The following ZNF429 variants were observed in gnomAD, a reference collection of about 807,000 sequenced individuals.
ZNF429 encodes the protein zinc finger protein 429.
A neutral mutation model predicts 56.8 loss-of-function variants in ZNF429; 53 were observed. That is an observed-to-expected ratio of 0.93 (90% CI 0.75 to 1.17). ZNF429 has a LOEUF of 1.17. Ranked by LOEUF, ZNF429 falls within the 50% of genes most tolerant of loss-of-function variation. The probability of loss-of-function intolerance (pLI) is 0.00; values close to 1 mark genes in which losing one functional copy is unlikely to be tolerated. For synonymous variants in ZNF429, 278 were observed against 264.7 expected (o/e 1.05, Z -0.49); for missense variants, 849 against 788.4 (o/e 1.08, Z -0.92).
intron 3 of ZNF429, among the ~76,000 whole-genome samples, chr19:21,535,307 C>CTTTCTT: frequency 1.2e-4 from 16 of 128,786 alleles, no homozygotes; most frequent in African/African-American, 5.2e-4. Flanking sequence ...TTCTTTCTTT[C>CTTTCTT]TTTCTTTCTT....
At chr19:21,531,425 C>A in intron 3 of ZNF429, among the ~76,000 whole-genome samples, 2 of 152,218 alleles carry the variant, frequency 1.3e-5, no homozygotes, top group African/African-American at 4.8e-5. Flanking sequence ...TTCACAGACA[C>A]CAATGCAAAA....
At chr19:21,535,296 C>CTTTCTTTCT in intron 3 of ZNF429, among the ~76,000 whole-genome samples, 8 of 82,548 alleles carry the variant, frequency 9.7e-5, no homozygotes, top group African/African-American at 1.6e-4. Context: ...CATTTCTTTC[C>CTTTCTTTCT]TTCTTTCTTT....
intron 1 of ZNF429, among the ~76,000 whole-genome samples, chr19:21,509,019 ATT>A (rs573196717): frequency 4.2e-5 from 6 of 143,834 alleles, no homozygotes; most frequent in African/African-American, 1.0e-4. Flanking sequence ...TGTTTACTAC[ATT>A]TTTTTTTTTT....
intron 3 of ZNF429, among the ~76,000 whole-genome samples, chr19:21,532,777 C>A: frequency 2.0e-5 from 3 of 151,246 alleles, no homozygotes; most frequent in African/African-American, 4.9e-5. Context: ...TGGTTCACTG[C>A]AACCTCGGCC....
rs755141242 is a variant in ZNF429 at position 21,539,713 on chromosome 19, G to A, written c.*1635G>A. Among the ~76,000 whole-genome samples the A allele has an allele frequency of 1.5e-4, 23 of 151,716 alleles. No individual in the cohort carries two copies. Among genetic ancestry groups the A allele is most frequent in the Non-Finnish European group, 3.1e-4 (21 of 67,986 alleles). On this transcript the variant is annotated 3_prime_UTR_variant, in exon 4 of 4. Transcript: ENST00000358491. Reference sequence around the variant, plus strand: ...CCCAGAGTGCTGGGATTGCAGCCATGAGCCACTGCACCCAGCCCAAAGTAT... The same window carrying A: ...CCCAGAGTGCTGGGATTGCAGCCATAAGCCACTGCACCCAGCCCAAAGTAT...
At chr19:21,525,440 G>T (rs8110660) in intron 1 of ZNF429, among the ~76,000 whole-genome samples, 2 of 151,666 alleles carry the variant, frequency 1.3e-5, no homozygotes, top group African/African-American at 4.9e-5. Flanking sequence ...TTCTACACAG[G>T]GTCCACTCTT....
intron 1 of ZNF429, among the ~76,000 whole-genome samples, chr19:21,523,730 G>A (rs112003247): frequency 7.3e-5 from 11 of 151,636 alleles, no homozygotes; most frequent in South Asian, 2.1e-4. Context: ...ATCTTTGCCC[G>A]CAGTTTACAA....
chr19:21,532,076 C>A, intron 3 of ZNF429, among the ~76,000 whole-genome samples: 1 of 145,996 alleles, frequency 6.8e-6, no homozygotes, highest in African/African-American at 2.5e-5. Flanking sequence ...CAAATTTAAC[C>A]AAGGAGGTAA....
intron 3 of ZNF429, among the ~76,000 whole-genome samples, chr19:21,531,115 A>AAAAAAAAAAC: frequency 8.3e-6 from 1 of 119,864 alleles, no homozygotes. Context: ...TCAAAAAAAA[A>AAAAAAAAAAC]AAAAAAAAAA....
At chr19:21,526,217 A>G (rs534660084) in intron 1 of ZNF429, among the ~76,000 whole-genome samples, 4 of 151,904 alleles carry the variant, frequency 2.6e-5, no homozygotes, top group Non-Finnish European at 5.9e-5. Flanking sequence ...GTGTACAGGT[A>G]GTATTTGGTT....
At chr19:21,528,042 C>T (rs1454210294) in intron 1 of ZNF429, among the ~76,000 whole-genome samples, 1 of 152,102 alleles carries the variant, frequency 6.6e-6, no homozygotes, top group Non-Finnish European at 1.5e-5. Context: ...AAAAATATTT[C>T]CTTCCTACAT....
intron 1 of ZNF429, among the ~76,000 whole-genome samples, chr19:21,512,782 A>G (rs2032561536): frequency 1.3e-5 from 2 of 152,058 alleles, no homozygotes; most frequent in African/African-American, 4.8e-5. Context: ...CTGAAGTCAA[A>G]TTCAGCTACC....
chr19:21,513,325 C>T lies in ZNF429; in HGVS notation c.3+7551C>T, dbSNP rs112639540. ...TGTCCTATACATTTCTTCCATTTGA[C>T]TTCTCCTGGATTTTATCTTTTATAA... On this transcript the variant is annotated intron_variant, in intron 1 of 3. Coordinates refer to ENST00000358491, the MANE Select transcript of ZNF429 (RefSeq NM_001001415.4). 3.9e-3 allele frequency among the ~76,000 whole-genome samples: 593 copies of T among 152,312 alleles called. 6 individuals are homozygous for T. Among genetic ancestry groups the T allele is most frequent in the Middle Eastern group, 0.01 (3 of 294 alleles).
At chr19:21,535,358 C>CTTCTTTCT in intron 3 of ZNF429, among the ~76,000 whole-genome samples, 1 of 65,088 alleles carries the variant, frequency 1.5e-5, no homozygotes, top group African/African-American at 7.1e-5. Flanking sequence ...CCTTTCTTTT[C>CTTCTTTCT]TTCTTTCTTT....
At chr19:21,511,136 C>G (rs889879806) in intron 1 of ZNF429, among the ~76,000 whole-genome samples, 9 of 152,166 alleles carry the variant, frequency 5.9e-5, no homozygotes, top group Non-Finnish European at 1.2e-4. Context: ...AGAGGGGCTC[C>G]TCACTTCCCA....
At chr19:21,528,181 T>G (rs1181476051) in intron 1 of ZNF429, among the ~76,000 whole-genome samples, 1 of 152,186 alleles carries the variant, frequency 6.6e-6, no homozygotes, top group South Asian at 2.1e-4. Context: ...GTGTGGATAC[T>G]CAAGGTTTCT....
At chr19:21,532,246 G>GTT in intron 3 of ZNF429, among the ~76,000 whole-genome samples, 1 of 150,488 alleles carries the variant, frequency 6.6e-6, no homozygotes, top group African/African-American at 2.4e-5. Flanking sequence ...AAATTTCAGT[G>GTT]TTTTTTTTTT....
chr19:21,525,697 A>G (rs1362170499), intron 1 of ZNF429, among the ~76,000 whole-genome samples: 1 of 151,384 alleles, frequency 6.6e-6, no homozygotes, highest in Non-Finnish European at 1.5e-5. Flanking sequence ...CTTGTTTTCT[A>G]TTCCTGCAGA....
chr19:21,529,844 T>C, intron 2 of ZNF429, 60 bp downstream of exon 2: 1 of 1,146,592 alleles, frequency 8.7e-7, no homozygotes, highest in South Asian at 1.7e-5. Context: ...TTCTCCTCTT[T>C]GTAGAATGTT....
Sources: gnomAD v4.1 joint callset for allele counts (sites outside exome capture counted in the v4.1 genomes callset) on GRCh38, gnomAD v4.1.1 for gene constraint, MANE v1.5 for transcripts, NCBI Gene and HGNC (gene_info 2026-07-23, HGNC 2026-07-21) for gene names.